ADAMTS10: variants seen among roughly 807,000 people sequenced by gnomAD.
ADAMTS10 encodes ADAM metallopeptidase with thrombospondin type 1 motif 10, also known as A disintegrin and metalloproteinase with thrombospondin motifs 10.
A neutral mutation model predicts 135.9 loss-of-function variants in ADAMTS10; 48 were observed. That is an observed-to-expected ratio of 0.35 (90% CI 0.28 to 0.45). ADAMTS10 has a LOEUF of 0.45. ADAMTS10 is among the 20% of genes least tolerant of loss of function. The pLI, the probability that ADAMTS10 is intolerant of heterozygous loss-of-function variation, is 1.00. For synonymous variants in ADAMTS10, 621 were observed against 647.5 expected (o/e 0.96, Z 0.62); for missense variants, 1,131 against 1,565.2 (o/e 0.72, Z 4.68).
intron 4 of ADAMTS10, 80 bp downstream of exon 4, chr19:8,604,932 C>G: frequency 7.0e-7 from 1 of 1,424,336 alleles, no homozygotes; most frequent in East Asian, 2.5e-5. Context: ...CATTCCTTCT[C>G]TGCCCTCTAT....
At chr19:8,600,834 G>C (rs782674483) in intron 6 of ADAMTS10, 94 bp downstream of exon 6, 9 of 1,469,844 alleles carry the variant, frequency 6.1e-6, no homozygotes, top group South Asian at 1.1e-5. Flanking sequence ...CCACGTCAGG[G>C]ATTGGGGTGG....
In ADAMTS10 at chr19:8,585,060, A is replaced by AGGGGGC. The variant is rs1329570812; in HGVS notation, c.3043-12_3043-7dup. The AGGGGGC allele has an allele frequency of 4.1e-6, 6 of 1,467,986 alleles. No homozygotes were observed. In the East Asian group the frequency reaches 1.5e-4, roughly 38 times the overall value. The allele number at this position is 1,467,986 out of a possible 1,614,324, so 90.9% of individuals were successfully genotyped here. A position where few individuals can be genotyped will look rare whatever the true frequency, so the allele number is the denominator to read the frequency against. ...ACGCCGCACTGTGCAGAGCACTGCG[A>AGGGGGC]GGGGGCACCACTCAGTTGCTGCCCC... On this transcript the variant is annotated splice_polypyrimidine_tract_variant and splice_region_variant and intron_variant, in intron 24 of 25. Transcript: ENST00000597188.
chr19:8,598,837 A>G (rs2042633620), intron 6 of ADAMTS10, among the ~76,000 whole-genome samples: 1 of 151,176 alleles, frequency 6.6e-6, no homozygotes, highest in South Asian at 2.1e-4. Context: ...GGCCTCCCAA[A>G]GTGTTGGGAT....
intron 12 of ADAMTS10, 60 bp downstream of exon 12, chr19:8,595,702 T>TCCCCCCCCC: frequency 5.8e-5 from 52 of 894,194 alleles, no homozygotes; most frequent in Non-Finnish European, 8.0e-5. Flanking sequence ...TGGAGTTCCC[T>TCCCCCCCCC]CCCCCAGCCC....
chr19:8,595,873 C>T lies in ADAMTS10; in HGVS notation c.1368G>A (p.Arg456=). 5 of 1,614,158 alleles carry T rather than the reference C, an allele frequency of 3.1e-6. No individual in the cohort carries two copies. Among genetic ancestry groups the T allele is most frequent in the Non-Finnish European group, 4.2e-6 (5 of 1,180,032 alleles). The change falls in exon 12 of 26, where the codon CGG becomes CGA. Residue 456 remains arginine (R), a synonymous_variant. Coordinates refer to ENST00000597188, the MANE Select transcript of ADAMTS10 (RefSeq NM_030957.4). The part of the protein sequence containing the change: ...DSGLGLCLNN[R]PPRQDFVYPT... ...GGTACACAAAGTCCTGTCTGGGGGGCCGGTTGTTCAGGCAGAGCCCCAGGC... is the reference window on the plus strand; with the variant it reads ...GGTACACAAAGTCCTGTCTGGGGGGTCGGTTGTTCAGGCAGAGCCCCAGGC...
intron 12 of ADAMTS10, among the ~76,000 whole-genome samples, chr19:8,594,752 A>G (rs2042582774): frequency 6.6e-6 from 1 of 152,208 alleles, no homozygotes; most frequent in African/African-American, 2.4e-5. Context: ...CTTAGCCCAT[A>G]GTGAGAGCTC....
In ADAMTS10 at chr19:8,585,258, C is replaced by T. The variant is rs1433226048; in HGVS notation, c.2916G>A (p.Lys972=). The T allele has an allele frequency of 6.7e-7, 1 of 1,495,822 alleles. No individual in the cohort carries two copies. Among genetic ancestry groups the T allele is most frequent in the Non-Finnish European group, 8.9e-7 (1 of 1,120,932 alleles). The allele number at this position is 1,495,822 out of a possible 1,614,324, so 92.7% of individuals were successfully genotyped here. A position where few individuals can be genotyped will look rare whatever the true frequency, so the allele number is the denominator to read the frequency against. The stretch of plus-strand genomic sequence containing the variant: ...GCAGCGTGGCGCGGTGGTCTGCGCT[C>T]TTGCAAAGGACCACGCGGTGGCGGA... ...PGLRHRVVLC[K]SADHRATLPP... is the part of the protein sequence containing the mutation. The change falls in exon 24 of 26, where the codon AAG becomes AAA. Residue 972 remains lysine (K), a synonymous_variant. Coordinates refer to ENST00000597188, the MANE Select transcript of ADAMTS10 (RefSeq NM_030957.4).
intron 6 of ADAMTS10, 79 bp downstream of exon 6, chr19:8,600,849 G>T: frequency 6.4e-7 from 1 of 1,552,752 alleles, no homozygotes. Flanking sequence ...GGGTGGGATG[G>T]TAGCCACCCC....
Position 8,601,279 on chromosome 19 carries a change from G to T in ADAMTS10, c.593-134C>A. Reference sequence around the variant, plus strand: ...TGGACAGACAATTTCTGGTCATTCTGCTGCCTTCTCTTGTTGTCCAGCTAC... The same window carrying T: ...TGGACAGACAATTTCTGGTCATTCTTCTGCCTTCTCTTGTTGTCCAGCTAC... On this transcript the variant is annotated intron_variant, in intron 5 of 25. Coordinates refer to ENST00000597188, the MANE Select transcript of ADAMTS10 (RefSeq NM_030957.4). The surrounding 1 kb of genome is among the most constrained non-coding windows in gnomAD (Gnocchi z 4.6). 1.0e-6 allele frequency: 1 copy of T among 995,784 alleles called. No homozygotes were observed. Among genetic ancestry groups the T allele is most frequent in the Non-Finnish European group, 1.5e-6 (1 of 657,620 alleles). The allele number at this position is 995,784 out of a possible 1,614,324, so 61.7% of individuals were successfully genotyped here.
chr19:8,599,637 G>GATTT (rs1410237440), intron 6 of ADAMTS10, among the ~76,000 whole-genome samples: 1 of 151,658 alleles, frequency 6.6e-6, no homozygotes, highest in South Asian at 2.1e-4. Flanking sequence ...AGCCTACTGC[G>GATTT]ATTTATTTAT....
rs373714659 is a variant in ADAMTS10, at chr19:8,596,528, C to T, written c.1084+14G>A. ...TGCCTTCATAGGCGCCTGAAACCTACGGGGCTCGGGTACCTAGTGTGCCGC... is the reference window on the plus strand; with the variant it reads ...TGCCTTCATAGGCGCCTGAAACCTATGGGGCTCGGGTACCTAGTGTGCCGC... On this transcript the variant is annotated intron_variant, in intron 9 of 25. Transcript: ENST00000597188. The surrounding 1 kb of genome is among the most constrained non-coding windows in gnomAD (Gnocchi z 7.2). 1.4e-4 allele frequency: 220 copies of T among 1,613,946 alleles called. 1 individual carries two copies. The highest frequency in any genetic ancestry group is 6.8e-4 in the South Asian group (62 of 91,072).
In ADAMTS10 at chr19:8,596,676, G is replaced by A; in HGVS notation, c.1041-91C>T. The A allele has an allele frequency of 1.3e-6, 2 of 1,499,658 alleles. No individual in the cohort carries two copies. Among genetic ancestry groups the A allele is most frequent in the Non-Finnish European group, 1.8e-6 (2 of 1,098,706 alleles). 92.9% of individuals were successfully genotyped at this position (1,499,658 alleles called of 1,614,324 possible). A position where few individuals can be genotyped will look rare whatever the true frequency, so the allele number is the denominator to read the frequency against. On this transcript the variant is annotated intron_variant, in intron 8 of 25. Transcript: ENST00000597188. This position sits in a 1 kb window ranked among gnomAD's most constrained non-coding sequence, Gnocchi z 7.2. ...TGCCCAGCTCTGGGGGTTGAGTCCT[G>A]CCTTGGAGGCGCCATCTGCCTCTCA... is the stretch of plus-strand genomic sequence containing the variant.
intron 25 of ADAMTS10, chr19:8,582,509 C>G (rs1302761850): frequency 6.6e-6 from 1 of 152,182 alleles, no homozygotes; most frequent in East Asian, 1.9e-4. Context: ...ACCTGAAGCT[C>G]TTGAGTCCCA....
chr19:8,589,790 C>G (rs1488748451), intron 16 of ADAMTS10, 99 bp downstream of exon 16: 3 of 1,446,608 alleles, frequency 2.1e-6, no homozygotes, highest in African/African-American at 1.4e-5. Context: ...GGGGACAGGG[C>G]TCAGGGCAGA....
chr19:8,607,478 G>A (rs1247136168), intron 2 of ADAMTS10, among the ~76,000 whole-genome samples: 2 of 152,100 alleles, frequency 1.3e-5, no homozygotes, highest in Non-Finnish European at 2.9e-5. Flanking sequence ...ACCACTTTGG[G>A]CCACCACCCT....
chr19:8,599,545 G>A (rs1600114219), intron 6 of ADAMTS10, among the ~76,000 whole-genome samples: 1 of 151,912 alleles, frequency 6.6e-6, no homozygotes, highest in Non-Finnish European at 1.5e-5. Context: ...TAGCCAGGCT[G>A]GTCTTGAACT....
chr19:8,581,839 CAAAACAAA>C lies in ADAMTS10; in HGVS notation c.3203-845_3203-838del, dbSNP rs1161079825. 5.8e-4 allele frequency among the ~76,000 whole-genome samples: 70 copies of C among 121,206 alleles called. No individual in the cohort carries two copies. In the South Asian group the frequency reaches 0.017, roughly 30 times the overall value. 79.5% of individuals were successfully genotyped at this position (121,206 alleles called of 152,430 possible). A position where few individuals can be genotyped will look rare whatever the true frequency, so the allele number is the denominator to read the frequency against. ...GACAGAGCGAGACTCTGTCACAAAA[CAAAACAAA>C]AAAACAAAAAAACAAAAAAAAAAAA... is the stretch of plus-strand genomic sequence containing the variant. On this transcript the variant is annotated intron_variant, in intron 25 of 25. Coordinates refer to ENST00000597188, the MANE Select transcript of ADAMTS10 (RefSeq NM_030957.4).
At chr19:8,598,565 ATTTTTTTTT>A (rs34389376) in intron 6 of ADAMTS10, among the ~76,000 whole-genome samples, 1 of 70,758 alleles carries the variant, frequency 1.4e-5, no homozygotes, top group African/African-American at 5.8e-5. Context: ...AATCCCCAGA[ATTTTTTTTT>A]TTTTTTTTTT....
Position 8,601,187 on chromosome 19 carries a change from G to T in ADAMTS10, c.593-42C>A. The T allele has an allele frequency of 6.3e-7, 1 of 1,598,230 alleles. No homozygotes were observed. ...AGCAATTAAGCCCTGCCCTGCTGGT[G>T]GGACGCAGAGCTGCCTGACAACTGT... On this transcript the variant is annotated intron_variant, in intron 5 of 25. Transcript: ENST00000597188. The surrounding 1 kb of genome is among the most constrained non-coding windows in gnomAD (Gnocchi z 4.6).
Sources: allele counts gnomAD v4.1 joint callset (sites outside exome capture counted in the v4.1 genomes callset), GRCh38; gene constraint gnomAD v4.1.1; non-coding constraint Gnocchi (gnomAD v3.1); transcripts MANE v1.5; gene names NCBI Gene and HGNC (gene_info 2026-07-23, HGNC 2026-07-21).